The following TMEM11 variants were observed in gnomAD, a reference collection of about 807,000 sequenced individuals.
TMEM11 encodes transmembrane protein 11.
In TMEM11, 1 loss-of-function variant was observed where a neutral mutation model predicts 17.0. The observed-to-expected ratio is 0.06, with a 90% CI of 0.02 to 0.28. TMEM11 has a LOEUF of 0.28. Among genes scored for constraint, TMEM11 ranks in the 10% least tolerant of loss-of-function variants. The probability of loss-of-function intolerance (pLI) is 1.00; values close to 1 mark genes in which losing one functional copy is unlikely to be tolerated. For missense variants in TMEM11, 172 were observed against 252.9 expected, an observed-to-expected ratio of 0.68 and a Z score of 2.17; for synonymous variants, 122 against 118.1, an observed-to-expected ratio of 1.03 and a Z score of -0.21.
At chr17:21,206,694 G>A (rs1273023768) in intron 1 of TMEM11, among the ~76,000 whole-genome samples, 3 of 151,918 alleles carry the variant, frequency 2.0e-5, no homozygotes, top group Admixed American at 1.3e-4. Flanking sequence ...GTGCCACAAC[G>A]CCCAGCTAAC....
chr17:21,200,543 G>C (rs1974872176), intron 1 of TMEM11, among the ~76,000 whole-genome samples: 1 of 152,170 alleles, frequency 6.6e-6, no homozygotes, highest in Admixed American at 6.5e-5. Context: ...AGCACACCCT[G>C]GTCCCCAGGA....
At chr17:21,207,541 T>A (rs974038567) in intron 1 of TMEM11, among the ~76,000 whole-genome samples, 6 of 150,626 alleles carry the variant, frequency 4.0e-5, no homozygotes, top group Non-Finnish European at 8.9e-5. Flanking sequence ...AATATAATTT[T>A]AAAAACCCCT....
At chr17:21,213,703 C>G (rs915855045) in intron 1 of TMEM11, 1 of 231,122 alleles carries the variant, frequency 4.3e-6, no homozygotes, top group African/African-American at 2.3e-5. Context: ...ACGTCTGGGG[C>G]CGCGGCCGAG....
chr17:21,207,981 TA>T (rs1387019774), intron 1 of TMEM11, among the ~76,000 whole-genome samples: 3 of 150,546 alleles, frequency 2.0e-5, no homozygotes, highest in Non-Finnish European at 3.0e-5. Context: ...CTATATTTTT[TA>T]AAAAAAAGTG....
rs1374044972 is a variant in TMEM11 at position 21,212,537 on chromosome 17, T to C, written c.62+1554A>G. On this transcript the variant is annotated intron_variant, in intron 1 of 1. Transcript: ENST00000317635. ...CTTAAAAACTGTTGAGGTTCAACAG[T>C]CAAGGACTGGATCCAGCCTATGCAC... is the stretch of plus-strand genomic sequence containing the variant. Among the ~76,000 whole-genome samples, 2 of 152,236 alleles carry C rather than the reference T, an allele frequency of 1.3e-5. 1 individual carries two copies. Among genetic ancestry groups the C allele is most frequent in the Non-Finnish European group, 2.9e-5 (2 of 68,040 alleles).
chr17:21,202,023 C>T (rs1385674834), intron 1 of TMEM11, among the ~76,000 whole-genome samples: 2 of 152,226 alleles, frequency 1.3e-5, no homozygotes, highest in African/African-American at 4.8e-5. Flanking sequence ...CCGAGCAGTG[C>T]CCCCACGTGC....
rs1274725062 is a variant in TMEM11 at position 21,211,223 on chromosome 17, GTTCCC to G, written c.62+2863_62+2867del. 7.8e-6 allele frequency: 10 copies of G among 1,289,116 alleles called. No homozygotes were observed. In the East Asian group the frequency reaches 5.0e-4, roughly 64 times the overall value. The allele number at this position is 1,289,116 out of a possible 1,614,324, so 79.9% of individuals were successfully genotyped here. A position where few individuals can be genotyped will look rare whatever the true frequency, so the allele number is the denominator to read the frequency against. ...ATGTTCTTCATTACAAACACTGTTG[GTTCCC>G]TAGATTTAATGGAGTGGAGAGAAAA... On this transcript the variant is annotated intron_variant, in intron 1 of 1. Transcript: ENST00000317635.
chr17:21,214,136 C>T lies in TMEM11; in HGVS notation c.17G>A (p.Arg6Lys), dbSNP rs745707415. Residue 6 changes from arginine (R) to lysine (K), a missense_variant, in exon 1 of 2, where the codon AGG becomes AAG. Arg to Lys is a conservative substitution (Grantham distance 26). Transcript: ENST00000317635. MAAWG[R>K]RRLGPGSSGG... ...ACTGCTGCCCGGGCCAAGACGCCTCCTTCCCCAAGCGGCCATCTTGGAGAC... is the reference window on the plus strand; with the variant it reads ...ACTGCTGCCCGGGCCAAGACGCCTCTTTCCCCAAGCGGCCATCTTGGAGAC... 1.9e-6 allele frequency: 3 copies of T among 1,612,482 alleles called. No homozygotes were observed. The highest frequency in any genetic ancestry group is 2.5e-6 in the Non-Finnish European group (3 of 1,179,656).
At chr17:21,213,701 G>C (rs759589661) in intron 1 of TMEM11, 33 of 228,724 alleles carry the variant, frequency 1.4e-4, no homozygotes, top group Non-Finnish European at 2.3e-4. Context: ...ACACGTCTGG[G>C]GCCGCGGCCG....
At chr17:21,208,967 G>A (rs964632648) in intron 1 of TMEM11, among the ~76,000 whole-genome samples, 1 of 152,202 alleles carries the variant, frequency 6.6e-6, no homozygotes, top group Non-Finnish European at 1.5e-5. Flanking sequence ...GATACAGGAG[G>A]TGCTGGGCTG....
intron 1 of TMEM11, among the ~76,000 whole-genome samples, chr17:21,206,040 C>CT (rs869141622): frequency 1.7e-5 from 2 of 115,692 alleles, no homozygotes; most frequent in Admixed American, 1.6e-4. Flanking sequence ...TGAGTCCCTG[C>CT]TTTTTTTGGG....
At chr17:21,213,874 G>T in intron 1 of TMEM11, 1 of 470,922 alleles carries the variant, frequency 2.1e-6, no homozygotes, top group Non-Finnish European at 3.8e-6. Flanking sequence ...TACTCAGCCC[G>T]GCTAACGCCC....
At chr17:21,202,843 T>G (rs969154472) in intron 1 of TMEM11, among the ~76,000 whole-genome samples, 28 of 152,314 alleles carry the variant, frequency 1.8e-4, no homozygotes, top group Admixed American at 1.0e-3. Context: ...CACGTGGACA[T>G]GGGGGCACTC....
At position 21,198,921 on chromosome 17, in the gene TMEM11, C is replaced by T. The variant is rs771611760; in HGVS notation, c.63-81G>A. On this transcript the variant is annotated intron_variant, in intron 1 of 1. Transcript: ENST00000317635. This position sits in a 1 kb window ranked among gnomAD's most constrained non-coding sequence, Gnocchi z 6.5. ...TGAGGAGCACTTAACTGTGTTTCAG[C>T]GCTGGGGGAGGTCTGAGCCTGCACT... 126 of 1,492,834 alleles carry T rather than the reference C, an allele frequency of 8.4e-5. No homozygotes were observed. Among genetic ancestry groups the T allele is most frequent in the Middle Eastern group, 3.8e-4 (2 of 5,232 alleles). The allele number at this position is 1,492,834 out of a possible 1,614,324, so 92.5% of individuals were successfully genotyped here.
At chr17:21,206,422 C>T (rs755089764) in intron 1 of TMEM11, among the ~76,000 whole-genome samples, 3 of 152,078 alleles carry the variant, frequency 2.0e-5, no homozygotes, top group Non-Finnish European at 4.4e-5. Flanking sequence ...GGGTTTTCAC[C>T]ATGGTGGCCA....
intron 1 of TMEM11, 24 bp downstream of exon 1, chr17:21,214,067 G>A: frequency 6.2e-7 from 1 of 1,603,878 alleles, no homozygotes; most frequent in East Asian, 2.2e-5. Flanking sequence ...CCTGCACTGG[G>A]GGCAACAAGC....
intron 1 of TMEM11, among the ~76,000 whole-genome samples, chr17:21,199,377 G>C (rs980419669): frequency 7.0e-6 from 1 of 142,438 alleles, no homozygotes; most frequent in Non-Finnish European, 1.5e-5. Flanking sequence ...GCAGTGCCTC[G>C]ACGTTTAACA....
At chr17:21,204,435 TAA>T (rs71160127) in intron 1 of TMEM11, among the ~76,000 whole-genome samples, 6 of 96,830 alleles carry the variant, frequency 6.2e-5, no homozygotes, top group African/African-American at 1.5e-4. Context: ...TCCGTCTCAA[TAA>T]AAAAAAAAAA....
Position 21,198,150 on chromosome 17 carries a change from G to C in TMEM11, c.*174C>G. On this transcript the variant is annotated 3_prime_UTR_variant, in exon 2 of 2. Coordinates refer to ENST00000317635, the MANE Select transcript of TMEM11 (RefSeq NM_003876.3). This position sits in a 1 kb window ranked among gnomAD's most constrained non-coding sequence, Gnocchi z 6.5. ...TTGGGTTATGGAAATCCACATCTTA[G>C]TGTAATGAGCTGAAAAACCCTGGGT... The C allele has an allele frequency of 1.3e-6, 1 of 774,776 alleles. No individual in the cohort carries two copies. Among genetic ancestry groups the C allele is most frequent in the Non-Finnish European group, 2.0e-6 (1 of 500,432 alleles). 48.0% of individuals were successfully genotyped at this position (774,776 alleles called of 1,614,324 possible).
Sources: gnomAD v4.1 joint callset for allele counts (sites outside exome capture counted in the v4.1 genomes callset) on GRCh38, gnomAD v4.1.1 for gene constraint, Gnocchi (gnomAD v3.1) non-coding constraint, MANE v1.5 for transcripts, NCBI Gene and HGNC (gene_info 2026-07-23, HGNC 2026-07-21) for gene names.